SRBD1: variants seen among roughly 807,000 people sequenced by gnomAD.
The protein encoded by SRBD1 is S1 RNA binding domain 1, also known as S1 RNA-binding domain-containing protein 1.
A neutral mutation model predicts 115.3 loss-of-function variants in SRBD1; 88 were observed. The ratio of observed to expected loss-of-function variants is 0.76; its 90% CI spans 0.64 to 0.91. The LOEUF (loss-of-function observed/expected upper bound fraction) is 0.91, where lower values mean the gene tolerates loss of function less well. Ranked by LOEUF, SRBD1 falls within the 40% of genes least tolerant of loss-of-function variation. SRBD1 has a pLI of 0.00. For missense variants in SRBD1, 1,385 were observed against 1,177.4 expected, an observed-to-expected ratio of 1.18 and a Z score of -2.58; for synonymous variants, 509 against 407.7, an observed-to-expected ratio of 1.25 and a Z score of -2.99.
At chr2:45,581,956 C>A in intron 5 of SRBD1, 146 bp from the exon 6 acceptor site, 1 of 635,942 alleles carries the variant, frequency 1.6e-6, no homozygotes, top group Admixed American at 3.0e-5. Context: ...AACATCCCTG[C>A]ACTCCAACAC....
At chr2:45,414,729 C>CAT (rs747470180) in intron 18 of SRBD1, among the ~76,000 whole-genome samples, 1 of 137,512 alleles carries the variant, frequency 7.3e-6, no homozygotes, top group Non-Finnish European at 1.5e-5. Context: ...TACACACACA[C>CAT]AGTGTGTATA....
chr2:45,414,926 C>CATACACACAGTGTTATATAGTATGTACAT (rs201343427), intron 18 of SRBD1, among the ~76,000 whole-genome samples: 3 of 90,530 alleles, frequency 3.3e-5, no homozygotes, highest in Non-Finnish European at 6.5e-5. Flanking sequence ...ATAGTATGTA[C>CATACACACAGTGTTATATAGTATGTACAT]ACACACAGTG....
intron 4 of SRBD1, among the ~76,000 whole-genome samples, chr2:45,590,041 C>T (rs1397806051): frequency 2.0e-5 from 3 of 152,218 alleles, no homozygotes; most frequent in Non-Finnish European, 4.4e-5. Context: ...GGCAGCTAAA[C>T]AGGGAGGCAG....
At chr2:45,428,975 A>T (rs1179792395) in intron 16 of SRBD1, among the ~76,000 whole-genome samples, 1 of 152,234 alleles carries the variant, frequency 6.6e-6, no homozygotes, top group Non-Finnish European at 1.5e-5. Context: ...ATCACCACTG[A>T]TCCCACAGAA....
chr2:45,565,944 T>C (rs6740831), intron 9 of SRBD1, among the ~76,000 whole-genome samples: 3,356 of 152,296 alleles, frequency 0.022, 130 homozygotes, highest in African/African-American at 0.077. Flanking sequence ...ATTTAAAATG[T>C]ACAAAAGATC....
chr2:45,465,052 G>C (rs942735067), intron 16 of SRBD1, among the ~76,000 whole-genome samples: 8 of 133,526 alleles, frequency 6.0e-5, no homozygotes, highest in East Asian at 2.6e-4. Flanking sequence ...CACACACAGA[G>C]TCATCCCCTG....
intron 16 of SRBD1, among the ~76,000 whole-genome samples, chr2:45,436,071 T>C (rs1322146906): frequency 1.3e-5 from 2 of 151,890 alleles, no homozygotes; most frequent in African/African-American, 4.8e-5. Context: ...CCAAATATAA[T>C]ATATCTCAGG....
At chr2:45,502,262 G>A (rs547808577) in intron 14 of SRBD1, among the ~76,000 whole-genome samples, 10 of 152,336 alleles carry the variant, frequency 6.6e-5, no homozygotes, top group African/African-American at 2.2e-4. Flanking sequence ...CAAAAAGACA[G>A]TGTGGTGATT....
chr2:45,540,571 TA>T (rs1284904663), intron 14 of SRBD1, among the ~76,000 whole-genome samples: 4 of 151,794 alleles, frequency 2.6e-5, no homozygotes, highest in African/African-American at 7.3e-5. Flanking sequence ...AGATCCTGTT[TA>T]AAAAAAAGTG....
intron 9 of SRBD1, among the ~76,000 whole-genome samples, chr2:45,571,537 A>AAAAAAAAAAAAAAC (rs1553356650): frequency 1.4e-5 from 2 of 143,796 alleles, no homozygotes; most frequent in Non-Finnish European, 3.0e-5. Flanking sequence ...AAAAAAAAAA[A>AAAAAAAAAAAAAAC]AAAAACTGTC....
chr2:45,483,428 T>A (rs1350824997), intron 15 of SRBD1, among the ~76,000 whole-genome samples: 2 of 138,178 alleles, frequency 1.4e-5, no homozygotes, highest in African/African-American at 5.1e-5. Context: ...ATTGAGTATA[T>A]AACTTGCATG....
At chr2:45,602,999 A>T (rs1572830606) in intron 2 of SRBD1, among the ~76,000 whole-genome samples, 1 of 152,198 alleles carries the variant, frequency 6.6e-6, no homozygotes, top group Non-Finnish European at 1.5e-5. Flanking sequence ...AATCAAACAA[A>T]AAACAGGAAT....
At chr2:45,460,598 G>A (rs1669284088) in intron 16 of SRBD1, among the ~76,000 whole-genome samples, 1 of 152,154 alleles carries the variant, frequency 6.6e-6, no homozygotes, top group African/African-American at 2.4e-5. Flanking sequence ...TTTGTGGTGG[G>A]CATTTAGAAG....
At chr2:45,418,654 T>G in intron 17 of SRBD1, 113 bp from the exon 18 acceptor site, 1 of 860,558 alleles carries the variant, frequency 1.2e-6, no homozygotes, top group Non-Finnish European at 1.5e-6. Flanking sequence ...ACGGCTAAGT[T>G]AAGTTAATCC....
chr2:45,578,411 A>G (rs1230092394), intron 7 of SRBD1, among the ~76,000 whole-genome samples: 1 of 152,202 alleles, frequency 6.6e-6, no homozygotes, highest in East Asian at 1.9e-4. Context: ...CCATCTCTAA[A>G]TTCACATAAT....
chr2:45,471,305 T>C (rs892955238), intron 16 of SRBD1, among the ~76,000 whole-genome samples: 3 of 152,176 alleles, frequency 2.0e-5, no homozygotes, highest in African/African-American at 7.2e-5. Flanking sequence ...AAAACACAAA[T>C]TGTTTTTATT....
chr2:45,422,621 G>C (rs773462094), intron 16 of SRBD1, among the ~76,000 whole-genome samples: 28 of 152,160 alleles, frequency 1.8e-4, no homozygotes, highest in Non-Finnish European at 3.8e-4. Flanking sequence ...TCAGGAATAG[G>C]TATTTGGTTC....
intron 6 of SRBD1, among the ~76,000 whole-genome samples, chr2:45,581,210 C>G (rs1673352643): frequency 6.6e-6 from 1 of 152,148 alleles, no homozygotes; most frequent in Non-Finnish European, 1.5e-5. Flanking sequence ...GCACCATCAT[C>G]TCCTGATTCT....
rs575049938 is a variant in SRBD1 at position 45,573,851 on chromosome 2, C to T, written c.1170-509G>A. On this transcript the variant is annotated intron_variant, in intron 8 of 20. Transcript: ENST00000263736. ...TTGCTTCAACTCATTCCTGCTGGAG[C>T]CACTGAGAAAATACAAAAGTTCTTT... Among the ~76,000 whole-genome samples the T allele has an allele frequency of 3.9e-5, 6 of 152,202 alleles. No individual in the cohort carries two copies. The South Asian group carries it at 1.2e-3, about 32-fold the overall frequency.
Sources: allele counts gnomAD v4.1 joint callset (sites outside exome capture counted in the v4.1 genomes callset), GRCh38; gene constraint gnomAD v4.1.1; transcripts MANE v1.5; gene names NCBI Gene and HGNC (gene_info 2026-07-23, HGNC 2026-07-21).